PITPNC1: variants seen among roughly 807,000 people sequenced by gnomAD.
PITPNC1 encodes cytoplasmic phosphatidylinositol transfer protein 1.
In PITPNC1, 18 loss-of-function variants were observed where a neutral mutation model predicts 44.7. The observed-to-expected ratio is 0.40, with a 90% CI of 0.28 to 0.60. The LOEUF is 0.60. PITPNC1 is among the 20% of genes least tolerant of loss of function. The pLI, the probability that PITPNC1 is intolerant of heterozygous loss-of-function variation, is 0.39. For missense variants in PITPNC1, 290 were observed against 418.4 expected (o/e 0.69, Z 2.68); for synonymous variants, 141 against 149.6 (o/e 0.94, Z 0.42).
chr17:67,485,634 G>A (rs899011145), intron 1 of PITPNC1, among the ~76,000 whole-genome samples: 3 of 151,946 alleles, frequency 2.0e-5, no homozygotes, highest in Non-Finnish European at 2.9e-5. Flanking sequence ...GGTCTCAGCC[G>A]CCGCACCCGG....
intron 6 of PITPNC1, among the ~76,000 whole-genome samples, chr17:67,667,952 C>G (rs2042449226): frequency 6.6e-6 from 1 of 152,146 alleles, no homozygotes; most frequent in Non-Finnish European, 1.5e-5. Context: ...TGCACTCCAG[C>G]CTGGGTGACA....
At chr17:67,393,991 C>A (rs1432400708) in intron 1 of PITPNC1, among the ~76,000 whole-genome samples, 4 of 151,970 alleles carry the variant, frequency 2.6e-5, no homozygotes, top group Non-Finnish European at 5.9e-5. Context: ...AGGCACCCGC[C>A]ACCACACCCG....
intron 5 of PITPNC1, among the ~76,000 whole-genome samples, chr17:67,603,906 A>G (rs944554734): frequency 7.2e-5 from 11 of 151,858 alleles, no homozygotes; most frequent in Non-Finnish European, 1.6e-4. Flanking sequence ...CACTGCTCCA[A>G]CCTGGGCAAC....
Position 67,676,681 on chromosome 17 carries a change from C to G in PITPNC1, c.682+1139C>G, listed in dbSNP as rs1166891165. Among the ~76,000 whole-genome samples, 1 of 152,022 alleles carries G rather than the reference C, an allele frequency of 6.6e-6. No individual in the cohort carries two copies. The highest frequency in any genetic ancestry group is 1.9e-4 in the East Asian group (1 of 5,192). On this transcript the variant is annotated intron_variant, in intron 8 of 8. Coordinates refer to ENST00000581322, the MANE Select transcript of PITPNC1 (RefSeq NM_012417.4). This position sits in a 1 kb window ranked among gnomAD's most constrained non-coding sequence, Gnocchi z 4.0. ...CTTTTCTGTCATTGTTTCACCAACT[C>G]CCTCCCTTTTCTGAGCAGAAGGTAC...
chr17:67,564,216 C>G (rs1568042233), intron 4 of PITPNC1, among the ~76,000 whole-genome samples: 1 of 151,780 alleles, frequency 6.6e-6, no homozygotes, highest in East Asian at 1.9e-4. Flanking sequence ...AGGGGATTTG[C>G]TAGGGAAATT....
intron 1 of PITPNC1, among the ~76,000 whole-genome samples, chr17:67,502,284 C>CTT (rs34451812): frequency 1.2e-4 from 17 of 146,936 alleles, no homozygotes; most frequent in East Asian, 5.9e-4. Context: ...TTTACTTGTA[C>CTT]TTTTTTTTTT....
intron 5 of PITPNC1, among the ~76,000 whole-genome samples, chr17:67,593,044 AAAAG>A (rs1260995473): frequency 1.5e-4 from 23 of 152,306 alleles, no homozygotes; most frequent in Admixed American, 3.3e-4. Context: ...TCTCAAGAAA[AAAAG>A]AAAGAAAAGA....
intron 5 of PITPNC1, chr17:67,612,253 G>C (rs1482531015): frequency 6.6e-6 from 1 of 152,422 alleles, no homozygotes; most frequent in Non-Finnish European, 1.5e-5. Context: ...GATGTGGAGA[G>C]GAAGTTTCAG....
rs568249313 is a variant in PITPNC1 at position 67,470,686 on chromosome 17, C to A, written c.49-62116C>A. Among the ~76,000 whole-genome samples the A allele has an allele frequency of 2.1e-3, 316 of 152,306 alleles. 1 individual carries two copies. Among genetic ancestry groups the A allele is most frequent in the African/African-American group, 7.1e-3 (296 of 41,560 alleles). ...GAGGAGCCCCTCTGCCCGGCCACCACCCCGTCTGGGAGGTGTACCCAACAG... is the reference window on the plus strand; with the variant it reads ...GAGGAGCCCCTCTGCCCGGCCACCAACCCGTCTGGGAGGTGTACCCAACAG... On this transcript the variant is annotated intron_variant, in intron 1 of 8. Coordinates refer to ENST00000581322, the MANE Select transcript of PITPNC1 (RefSeq NM_012417.4).
intron 5 of PITPNC1, among the ~76,000 whole-genome samples, chr17:67,583,919 TTA>T (rs2041274714): frequency 7.6e-6 from 1 of 130,886 alleles, no homozygotes; most frequent in African/African-American, 3.1e-5. Context: ...GTGTTTGTGT[TTA>T]GTAGAGATGG....
At chr17:67,442,377 G>A (rs1240745318) in intron 1 of PITPNC1, among the ~76,000 whole-genome samples, 4 of 150,734 alleles carry the variant, frequency 2.7e-5, no homozygotes, top group East Asian at 3.9e-4. Flanking sequence ...GTCAACCCTC[G>A]TAAGCCCGCC....
intron 6 of PITPNC1, among the ~76,000 whole-genome samples, chr17:67,662,673 A>G (rs1392733977): frequency 6.6e-6 from 1 of 152,152 alleles, no homozygotes; most frequent in African/African-American, 2.4e-5. Flanking sequence ...ATATCCATGG[A>G]ATTATACAGT....
chr17:67,515,444 A>T (rs2040248024), intron 1 of PITPNC1, among the ~76,000 whole-genome samples: 1 of 152,320 alleles, frequency 6.6e-6, no homozygotes, highest in South Asian at 2.1e-4. Context: ...CTTAGATTGT[A>T]CATTTCTCCT....
At chr17:67,632,568 T>TA in intron 6 of PITPNC1, 4 of 176,472 alleles carry the variant, frequency 2.3e-5, no homozygotes, top group Non-Finnish European at 3.3e-5. Flanking sequence ...TTACATGCGC[T>TA]CTTTTTTTTT....
At chr17:67,395,875 A>T (rs1202453084) in intron 1 of PITPNC1, among the ~76,000 whole-genome samples, 1 of 152,048 alleles carries the variant, frequency 6.6e-6, no homozygotes, top group East Asian at 1.9e-4. Context: ...CGGGCTGGAG[A>T]CTCAAACCCT....
At chr17:67,575,397 C>T (rs913215356) in intron 4 of PITPNC1, among the ~76,000 whole-genome samples, 3 of 152,130 alleles carry the variant, frequency 2.0e-5, no homozygotes, top group Non-Finnish European at 4.4e-5. Flanking sequence ...AATGAATAAT[C>T]GCAGGGCCTT....
chr17:67,608,391 A>G (rs2144287541), intron 5 of PITPNC1, among the ~76,000 whole-genome samples: 1 of 152,254 alleles, frequency 6.6e-6, no homozygotes, highest in Non-Finnish European at 1.5e-5. Flanking sequence ...AAATCAGTAA[A>G]TAAATAAACA....
chr17:67,575,787 TTTCTTTCCTTC>T lies in PITPNC1; in HGVS notation c.295-2396_295-2386del, dbSNP rs1568047673. The stretch of plus-strand genomic sequence containing the variant: ...TGCCTTTCTTTCTTTCTTTCTTTTC[TTTCTTTCCTTC>T]TTTCTTTCTTTCTTTCTTTCTTTCC... On this transcript the variant is annotated intron_variant, in intron 4 of 8. Coordinates refer to ENST00000581322, the MANE Select transcript of PITPNC1 (RefSeq NM_012417.4). Among the ~76,000 whole-genome samples, 17 of 91,448 alleles carry T rather than the reference TTTCTTTCCTTC, an allele frequency of 1.9e-4. No homozygotes were observed. In the South Asian group the frequency reaches 2.6e-3, roughly 14 times the overall value. 60.0% of individuals were successfully genotyped at this position (91,448 alleles called of 152,430 possible). A position where few individuals can be genotyped will look rare whatever the true frequency, so the allele number is the denominator to read the frequency against.
rs1160152426 is a variant in PITPNC1, at chr17:67,599,034, ATTTTTT to A, written c.366+20792_366+20797del. ...TATATATATATATATATATATATATATTTTTTTTTTTTTTTTTTTTACCATGTTGGC... is the reference window on the plus strand; with the variant it reads ...TATATATATATATATATATATATATATTTTTTTTTTTTTTACCATGTTGGC... On this transcript the variant is annotated intron_variant, in intron 5 of 8. Coordinates refer to ENST00000581322, the MANE Select transcript of PITPNC1 (RefSeq NM_012417.4). Among the ~76,000 whole-genome samples the A allele has an allele frequency of 2.5e-3, 88 of 35,628 alleles. 1 individual carries two copies. The highest frequency in any genetic ancestry group is 8.6e-3 in the African/African-American group (75 of 8,694). The allele number at this position is 35,628 out of a possible 152,430, so 23.4% of individuals were successfully genotyped here.
Sources: allele counts gnomAD v4.1 joint callset (sites outside exome capture counted in the v4.1 genomes callset), GRCh38; gene constraint gnomAD v4.1.1; non-coding constraint Gnocchi (gnomAD v3.1); transcripts MANE v1.5; gene names NCBI Gene and HGNC (gene_info 2026-07-23, HGNC 2026-07-21).